Variants in AP5M1 observed in about 807,000 individuals in gnomAD.
AP5M1 encodes AP-5 complex subunit mu-1.
AP5M1 carries 44 observed loss-of-function variants against 52.3 expected under a neutral mutation model. The observed-to-expected ratio is 0.84, with a 90% CI of 0.66 to 1.08. AP5M1 has a LOEUF of 1.08. AP5M1 is among the 50% of genes least tolerant of loss of function. The pLI is 0.00. For synonymous variants in AP5M1, 213 were observed against 199.0 expected, an observed-to-expected ratio of 1.07 and a Z score of -0.59; for missense variants, 526 against 568.4, an observed-to-expected ratio of 0.93 and a Z score of 0.76.
At position 57,280,322 on chromosome 14, in the gene AP5M1, G is replaced by A; in HGVS notation, c.848G>A (p.Ser283Asn). The A allele has an allele frequency of 6.2e-7, 1 of 1,613,406 alleles. No homozygotes were observed. Among genetic ancestry groups the A allele is most frequent in the Non-Finnish European group, 8.5e-7 (1 of 1,179,386 alleles). Residue 283 changes from serine to asparagine, a missense_variant, in exon 3 of 8, where the codon AGT becomes AAT. Around this residue, in one of 3 missense-constraint regions of AP5M1, gnomAD observed 425 missense variants for 430.6 expected, o/e 0.99. Transcript: ENST00000261558. ...CTTGACTCTGCAATTCTGACTTCTA[G>A]TAGTATTGATGCAATGGATGACTCT... ...TSLDSAILTS[S>N]SIDAMDDSAF...
intron 1 of AP5M1, among the ~76,000 whole-genome samples, chr14:57,271,583 C>T (rs1163313815): frequency 6.6e-6 from 1 of 151,914 alleles, no homozygotes; most frequent in Non-Finnish European, 1.5e-5. Context: ...GGTATTAGTC[C>T]TATGTCATTT....
At position 57,283,041 on chromosome 14, in the gene AP5M1, A is replaced by AT. The variant is rs547205387; in HGVS notation, c.1174+30dup. 5.9e-4 allele frequency: 922 copies of AT among 1,573,668 alleles called. 2 individuals are homozygous for AT. Among genetic ancestry groups the AT allele is most frequent in the East Asian group, 4.6e-3 (204 of 44,308 alleles). ...ATTGGTGAGCAAGTTTTATTTATTG[A>AT]TTTTTTTTCTTTTCATTTACTGTAG... On this transcript the variant is annotated intron_variant, in intron 5 of 7. Transcript: ENST00000261558.
At chr14:57,280,087 A>G (rs1566516403) in intron 2 of AP5M1, 108 bp from the exon 3 acceptor site, 1 of 797,296 alleles carries the variant, frequency 1.3e-6, no homozygotes, top group Non-Finnish European at 2.1e-6. Flanking sequence ...AACAATACCT[A>G]GAGAAAAGTG....
At chr14:57,269,476 C>G in intron 1 of AP5M1, 88 bp downstream of exon 1, 1 of 1,320,038 alleles carries the variant, frequency 7.6e-7, no homozygotes, top group Admixed American at 1.7e-5. Context: ...CCCAGGTTTG[C>G]CACGAATAGC....
Position 57,288,790 on chromosome 14 carries a change from T to C in AP5M1, c.1391-12T>C, listed in dbSNP as rs769677700. On this transcript the variant is annotated splice_polypyrimidine_tract_variant and intron_variant, in intron 7 of 7. Transcript: ENST00000261558. The stretch of plus-strand genomic sequence containing the variant: ...AATAGTCTTATCATTAATTTCTTTT[T>C]CTTTTCTTTAGACCGGAAACTAATT... The C allele has an allele frequency of 1.9e-5, 29 of 1,535,716 alleles. No individual in the cohort carries two copies. Among genetic ancestry groups the C allele is most frequent in the Non-Finnish European group, 2.6e-5 (29 of 1,118,722 alleles).
At chr14:57,284,294 G>A (rs1827404738) in intron 6 of AP5M1, among the ~76,000 whole-genome samples, 1 of 152,190 alleles carries the variant, frequency 6.6e-6, no homozygotes, top group South Asian at 2.1e-4. Flanking sequence ...GCTAAAAATA[G>A]TAGTACTATG....
intron 6 of AP5M1, 138 bp downstream of exon 6, chr14:57,283,368 A>G: frequency 1.7e-6 from 1 of 600,084 alleles, no homozygotes; most frequent in African/African-American, 1.9e-5. Flanking sequence ...TCTCTTTTGG[A>G]TTTTTGTTTG....
In AP5M1 at chr14:57,274,629, A is replaced by C; in HGVS notation, c.460A>C (p.Thr154Pro). 1 of 1,614,222 alleles carries C rather than the reference A, an allele frequency of 6.2e-7. No homozygotes were observed. Among genetic ancestry groups the C allele is most frequent in the Non-Finnish European group, 8.5e-7 (1 of 1,180,022 alleles). The change falls in exon 2 of 8, where the codon ACA becomes CCA. Residue 154 changes from threonine to proline, a missense_variant. Physicochemically the swap from Thr to Pro is conservative, Grantham distance 38. This residue lies in a region of AP5M1 where 425 missense variants were observed against 430.6 expected (regional missense o/e 0.99). Coordinates refer to ENST00000261558, the MANE Select transcript of AP5M1 (RefSeq NM_018229.4). ...SGQKNDSELN[T>P]KLSQLPDLLL... The stretch of plus-strand genomic sequence containing the variant: ...TCAAAAAAATGACTCTGAGCTGAAT[A>C]CAAAATTGAGCCAGTTGCCTGACTT...
At chr14:57,282,847 TTAAG>T (rs1347132596) in intron 4 of AP5M1, 83 bp from the exon 5 acceptor site, 3 of 779,316 alleles carry the variant, frequency 3.8e-6, no homozygotes, top group African/African-American at 3.5e-5. Context: ...TGTCCTTGTA[TTAAG>T]TAACAGTGGC....
chr14:57,286,795 TGTATA>T (rs965914610), intron 7 of AP5M1, among the ~76,000 whole-genome samples: 245 of 152,256 alleles, frequency 1.6e-3, no homozygotes, highest in African/African-American at 5.5e-3. Flanking sequence ...TGATGCTTAG[TGTATA>T]GTATAGATTT....
rs200777046 is a variant in AP5M1, at chr14:57,280,319, C to A, written c.845C>A (p.Ser282Tyr). The A allele has an allele frequency of 3.7e-6, 6 of 1,613,394 alleles. No individual in the cohort carries two copies. In the East Asian group the frequency reaches 1.3e-4, roughly 36 times the overall value. Residue 282 changes from serine (S) to tyrosine (Y), a missense_variant, in exon 3 of 8, where the codon TCT becomes TAT. Ser to Tyr is a moderately radical substitution (Grantham distance 144, BLOSUM62 -2). This residue lies in a region of AP5M1 where 425 missense variants were observed against 430.6 expected (regional missense o/e 0.99). Transcript: ENST00000261558. ...VTSLDSAILT[S>Y]SSIDAMDDSA... ...TCTCTTGACTCTGCAATTCTGACTT[C>A]TAGTAGTATTGATGCAATGGATGAC...
intron 2 of AP5M1, 29 bp downstream of exon 2, chr14:57,274,918 T>C (rs1224445361): frequency 6.2e-7 from 1 of 1,612,878 alleles, no homozygotes; most frequent in South Asian, 1.1e-5. Context: ...ACTTGCTTTA[T>C]CGTTTTATTT....
rs1566513725 is a variant in AP5M1 at position 57,274,348 on chromosome 14, G to T, written c.179G>T (p.Arg60Ile). 1 of 1,614,142 alleles carries T rather than the reference G, an allele frequency of 6.2e-7. No individual in the cohort carries two copies. The change falls in exon 2 of 8, where the codon AGA (arginine) becomes ATA (isoleucine). Residue 60 changes from arginine (R) to isoleucine (I), a missense_variant. Physicochemically the swap from Arg to Ile is moderately conservative, Grantham distance 97. Coordinates refer to ENST00000261558, the MANE Select transcript of AP5M1 (RefSeq NM_018229.4). ...PFLKALLFEL[R>I]LLDDDKDFVE... Reference sequence around the variant, plus strand: ...CTTAAAGCACTGCTCTTTGAACTTAGATTATTGGATGATGATAAAGACTTC... The same window carrying T: ...CTTAAAGCACTGCTCTTTGAACTTATATTATTGGATGATGATAAAGACTTC...
In AP5M1 at chr14:57,293,460, T is replaced by TA. The variant is rs1294540560; in HGVS notation, c.*4577dup. On this transcript the variant is annotated 3_prime_UTR_variant, in exon 8 of 8. Transcript: ENST00000261558. ...GACTCAAAGAAGTGCATACCTAACT[T>TA]ACGTTTGTGCCAAGCCAGCCTCCTC... 3 of 151,710 alleles carry TA rather than the reference T, an allele frequency of 2.0e-5. No homozygotes were observed. The highest frequency in any genetic ancestry group is 7.2e-5 in the African/African-American group (3 of 41,390). 9.4% of individuals were successfully genotyped at this position (151,710 alleles called of 1,614,324 possible).
chr14:57,291,485 T>C lies in AP5M1; in HGVS notation c.*2601T>C, dbSNP rs1885433954. 1 of 151,896 alleles carries C rather than the reference T, an allele frequency of 6.6e-6. No individual in the cohort carries two copies. The highest frequency in any genetic ancestry group is 1.5e-5 in the Non-Finnish European group (1 of 67,846). The allele number at this position is 151,896 out of a possible 1,614,324, so 9.4% of individuals were successfully genotyped here. A position where few individuals can be genotyped will look rare whatever the true frequency, so the allele number is the denominator to read the frequency against. ...ACTAAACAATATTTTAAAAACTTTT[T>C]AGAGCCAGCAATATAGTACTTAGGC... On this transcript the variant is annotated 3_prime_UTR_variant, in exon 8 of 8. Transcript: ENST00000261558.
rs1885467774 is a variant in AP5M1, at chr14:57,292,866, A to G, written c.*3982A>G. 6.6e-6 allele frequency: 1 copy of G among 151,740 alleles called. No individual in the cohort carries two copies. Among genetic ancestry groups the G allele is most frequent in the Non-Finnish European group, 1.5e-5 (1 of 67,774 alleles). The allele number at this position is 151,740 out of a possible 1,614,324, so 9.4% of individuals were successfully genotyped here. A position where few individuals can be genotyped will look rare whatever the true frequency, so the allele number is the denominator to read the frequency against. On this transcript the variant is annotated 3_prime_UTR_variant, in exon 8 of 8. Transcript: ENST00000261558. The stretch of plus-strand genomic sequence containing the variant: ...GTACACAGTTATCCACCTTAAGACT[A>G]ATGATTTCGAAGCTTTGTTAACTAT...
intron 4 of AP5M1, among the ~76,000 whole-genome samples, chr14:57,282,595 A>G: frequency 6.6e-6 from 1 of 152,208 alleles, no homozygotes; most frequent in East Asian, 1.9e-4. Context: ...TTCTACTTTT[A>G]AATTTATTCT....
At position 57,292,562 on chromosome 14, in the gene AP5M1, C is replaced by T. The variant is rs1187684260; in HGVS notation, c.*3678C>T. ...ATAGAACAAACATTTCTTTTTGCTT[C>T]GCCTAACAATGATATTAGGAAACAT... On this transcript the variant is annotated 3_prime_UTR_variant, in exon 8 of 8. Coordinates refer to ENST00000261558, the MANE Select transcript of AP5M1 (RefSeq NM_018229.4). 6.6e-6 allele frequency: 1 copy of T among 151,714 alleles called. No homozygotes were observed. Among genetic ancestry groups the T allele is most frequent in the African/African-American group, 2.4e-5 (1 of 41,388 alleles). 9.4% of individuals were successfully genotyped at this position (151,714 alleles called of 1,614,324 possible).
chr14:57,273,199 T>G (rs145845076), intron 1 of AP5M1, among the ~76,000 whole-genome samples: 1 of 152,288 alleles, frequency 6.6e-6, no homozygotes, highest in East Asian at 1.9e-4. Context: ...CTCAGCTTTC[T>G]GAAGTGCTGG....
Sources: gnomAD v4.1 joint callset for allele counts (sites outside exome capture counted in the v4.1 genomes callset) on GRCh38, gnomAD v4.1.1 for gene constraint, gnomAD v4.1.1 regional missense constraint, MANE v1.5 for transcripts, NCBI Gene and HGNC (gene_info 2026-07-23, HGNC 2026-07-21) for gene names.